PLD1: variants seen among roughly 807,000 people sequenced by gnomAD.
The protein encoded by PLD1 is choline phosphatase 1.
A neutral mutation model predicts 137.1 loss-of-function variants in PLD1; 112 were observed. The observed-to-expected ratio is 0.82, with a 90% CI of 0.70 to 0.96. The LOEUF is 0.96. PLD1 is among the 40% of genes least tolerant of loss of function. PLD1 has a pLI of 0.00. For missense variants in PLD1, 1,321 were observed against 1,342.0 expected, an observed-to-expected ratio of 0.98 and a Z score of 0.24; for synonymous variants, 431 against 454.7, an observed-to-expected ratio of 0.95 and a Z score of 0.66.
Position 171,612,208 on chromosome 3 carries a change from G to C in PLD1, c.2882+71C>G. On this transcript the variant is annotated intron_variant, in intron 25 of 26. Transcript: ENST00000351298. The surrounding 1 kb of genome is among the most constrained non-coding windows in gnomAD (Gnocchi z 4.1). ...ACCTAGGATGACCCATGTGCTCAGGGCTAGCGGGGCTGGGTCCCAGCGACT... is the reference window on the plus strand; with the variant it reads ...ACCTAGGATGACCCATGTGCTCAGGCCTAGCGGGGCTGGGTCCCAGCGACT... 7.0e-7 allele frequency: 1 copy of C among 1,432,252 alleles called. No homozygotes were observed. The highest frequency in any genetic ancestry group is 9.8e-7 in the Non-Finnish European group (1 of 1,025,484). The allele number at this position is 1,432,252 out of a possible 1,614,324, so 88.7% of individuals were successfully genotyped here.
chr3:171,806,791 CA>C (rs1384902439), intron 1 of PLD1, among the ~76,000 whole-genome samples: 3 of 152,204 alleles, frequency 2.0e-5, no homozygotes, highest in African/African-American at 4.8e-5. Flanking sequence ...ACAACACTGA[CA>C]ATTGTTATTT....
intron 19 of PLD1, among the ~76,000 whole-genome samples, chr3:171,662,608 T>A (rs1711630370): frequency 6.6e-6 from 1 of 152,216 alleles, no homozygotes; most frequent in Admixed American, 6.5e-5. Context: ...AGAGCACCCA[T>A]CTTTACTCTT....
chr3:171,791,695 G>A (rs2108351230), intron 1 of PLD1: 1 of 152,274 alleles, frequency 6.6e-6, no homozygotes, highest in Non-Finnish European at 1.5e-5. Flanking sequence ...CTGGATCGAA[G>A]TATTGACATG....
intron 24 of PLD1, among the ~76,000 whole-genome samples, chr3:171,616,204 T>C (rs1359899986): frequency 6.6e-6 from 1 of 152,238 alleles, no homozygotes; most frequent in Non-Finnish European, 1.5e-5. Context: ...TCTTTATGTG[T>C]TCTGTGTATT....
rs774831624 is a variant in PLD1 at position 171,687,471 on chromosome 3, T to C, written c.1653A>G (p.Ile551Met). The C allele has an allele frequency of 3.2e-5, 51 of 1,614,074 alleles. No homozygotes were observed. The highest frequency in any genetic ancestry group is 6.7e-5 in the Admixed American group (4 of 60,012). The change falls in exon 15 of 27, where the codon ATA (isoleucine) becomes ATG (methionine). Residue 551 changes from isoleucine to methionine, a missense_variant. By Grantham distance (10) the Ile-to-Met change is conservative. Transcript: ENST00000351298. ...IDDVDSKLKGIGKPRKFSKFS... is the reference protein window; with the variant it reads ...IDDVDSKLKGMGKPRKFSKFS... ...ATTTGGAGAACTTTCTTGGCTTTCCTATTCCTTTCAGTTTTGAATCCACAT... is the reference window on the plus strand; with the variant it reads ...ATTTGGAGAACTTTCTTGGCTTTCCCATTCCTTTCAGTTTTGAATCCACAT...
intron 1 of PLD1, among the ~76,000 whole-genome samples, chr3:171,806,196 C>T (rs1723841315): frequency 1.3e-5 from 2 of 152,126 alleles, no homozygotes; most frequent in African/African-American, 4.8e-5. Flanking sequence ...TTTATTCTGT[C>T]GTTGTAATGT....
intron 11 of PLD1, among the ~76,000 whole-genome samples, chr3:171,700,371 C>A (rs995256472): frequency 6.6e-6 from 1 of 151,932 alleles, no homozygotes; most frequent in Non-Finnish European, 1.5e-5. Context: ...CTCTTTCGCT[C>A]TCTCTCCCTC....
chr3:171,764,293 C>T (rs1721656093), intron 1 of PLD1, among the ~76,000 whole-genome samples: 1 of 152,112 alleles, frequency 6.6e-6, no homozygotes, highest in African/African-American at 2.4e-5. Flanking sequence ...TTTTTGATGA[C>T]ACATAAGAAT....
In PLD1 at chr3:171,719,675, C is replaced by T. The variant is rs139787753; in HGVS notation, c.758+5021G>A. Among the ~76,000 whole-genome samples, 41 of 152,304 alleles carry T rather than the reference C, an allele frequency of 2.7e-4. No homozygotes were observed. The East Asian group carries it at 4.6e-3, about 17-fold the overall frequency. On this transcript the variant is annotated intron_variant, in intron 8 of 26. Coordinates refer to ENST00000351298, the MANE Select transcript of PLD1 (RefSeq NM_002662.5). The stretch of plus-strand genomic sequence containing the variant: ...AATAAATGCTAAATTTATTTGTTAA[C>T]GTCTATACATCTCTTTTTCTTAAGA...
intron 1 of PLD1, among the ~76,000 whole-genome samples, chr3:171,748,583 C>T (rs1480234232): frequency 6.6e-6 from 1 of 152,050 alleles, no homozygotes; most frequent in Non-Finnish European, 1.5e-5. Flanking sequence ...AAACACTCTC[C>T]AGTGCTGATT....
At chr3:171,773,274 T>C (rs1422207758) in intron 1 of PLD1, among the ~76,000 whole-genome samples, 2 of 152,158 alleles carry the variant, frequency 1.3e-5, no homozygotes, top group African/African-American at 2.4e-5. Context: ...GATATGACTT[T>C]TAAATGAGCC....
At chr3:171,624,352 TA>T (rs775860010) in intron 23 of PLD1, among the ~76,000 whole-genome samples, 2 of 152,004 alleles carry the variant, frequency 1.3e-5, no homozygotes, top group Admixed American at 1.3e-4. Context: ...TGGCAAAAAA[TA>T]AAAAGTACGA....
intron 1 of PLD1, among the ~76,000 whole-genome samples, chr3:171,797,107 G>C (rs2108355831): frequency 6.6e-6 from 1 of 152,004 alleles, no homozygotes; most frequent in Admixed American, 6.6e-5. Context: ...CTCTCCACCT[G>C]TGCTAGGCTA....
chr3:171,681,614 T>G (rs1328863456), intron 16 of PLD1, among the ~76,000 whole-genome samples: 1 of 152,186 alleles, frequency 6.6e-6, no homozygotes, highest in East Asian at 1.9e-4. Context: ...TTTTCAAAAT[T>G]TTTTGGAATT....
intron 12 of PLD1, 21 bp downstream of exon 12, chr3:171,699,724 A>C: frequency 1.3e-6 from 2 of 1,563,548 alleles, no homozygotes; most frequent in Non-Finnish European, 1.8e-6. Context: ...TTATATCAGC[A>C]TTTTCTGGGA....
intron 23 of PLD1, among the ~76,000 whole-genome samples, chr3:171,623,717 A>G (rs777325042): frequency 5.3e-5 from 8 of 152,156 alleles, no homozygotes; most frequent in Non-Finnish European, 1.0e-4. Context: ...TGAATGGGAT[A>G]GAAAGTCCAA....
chr3:171,710,156 G>A (rs1301443882), intron 9 of PLD1, among the ~76,000 whole-genome samples: 1 of 152,062 alleles, frequency 6.6e-6, no homozygotes, highest in Non-Finnish European at 1.5e-5. Context: ...TCCACCTCCC[G>A]GGTTCACGCC....
chr3:171,739,613 G>A lies in PLD1; in HGVS notation c.-31-1531C>T, dbSNP rs546725948. Among the ~76,000 whole-genome samples the A allele has an allele frequency of 9.9e-5, 15 of 152,272 alleles. No individual in the cohort carries two copies. In the South Asian group the frequency reaches 3.1e-3, roughly 32 times the overall value. On this transcript the variant is annotated intron_variant, in intron 1 of 26. Coordinates refer to ENST00000351298, the MANE Select transcript of PLD1 (RefSeq NM_002662.5). ...AATGTTTAGAATGCACCTCGCTGGT[G>A]ATAATTGTTTACATACATTGTCTCA...
rs143371946 is a variant in PLD1, at chr3:171,647,239, T to C, written c.2430-2216A>G. Among the ~76,000 whole-genome samples, 1,016 of 152,276 alleles carry C rather than the reference T, an allele frequency of 6.7e-3. 7 individuals carry two copies. Among genetic ancestry groups the C allele is most frequent in the African/African-American group, 0.022 (912 of 41,572 alleles). Reference sequence around the variant, plus strand: ...TTTGCTTTAGGAGGATGGGATCAGGTTGGAAAAATGTTTCTGGGGAAGTTT... The same window carrying C: ...TTTGCTTTAGGAGGATGGGATCAGGCTGGAAAAATGTTTCTGGGGAAGTTT... On this transcript the variant is annotated intron_variant, in intron 21 of 26. Transcript: ENST00000351298.
Sources: allele counts gnomAD v4.1 joint callset (sites outside exome capture counted in the v4.1 genomes callset), GRCh38; gene constraint gnomAD v4.1.1; non-coding constraint Gnocchi (gnomAD v3.1); transcripts MANE v1.5; gene names NCBI Gene and HGNC (gene_info 2026-07-23, HGNC 2026-07-21).